The following AUTS2 variants were observed in gnomAD, a reference collection of about 807,000 sequenced individuals.
AUTS2 encodes the protein autism susceptibility gene 2 protein.
Under a neutral mutation model 112.4 loss-of-function variants are expected in AUTS2, and 17 were observed. The observed-to-expected ratio is 0.15, with a 90% confidence interval of 0.10 to 0.23. The LOEUF is 0.23. AUTS2 is among the 10% of genes least tolerant of loss of function. The pLI is 1.00. For missense variants in AUTS2, 1,510 were observed against 1,701.6 expected (o/e 0.89, Z 1.98); for synonymous variants, 751 against 702.7 (o/e 1.07, Z -1.09).
chr7:70,717,326 C>G (rs910835515), intron 6 of AUTS2, among the ~76,000 whole-genome samples: 3 of 152,016 alleles, frequency 2.0e-5, no homozygotes, highest in African/African-American at 7.3e-5. Flanking sequence ...AACTACAGGC[C>G]TGTACCACCA....
At chr7:69,810,891 C>T (rs2129524855) in intron 1 of AUTS2, among the ~76,000 whole-genome samples, 1 of 152,212 alleles carries the variant, frequency 6.6e-6, no homozygotes, top group Non-Finnish European at 1.5e-5. Context: ...ATATTATACC[C>T]CTAATTCTAC....
intron 1 of AUTS2, among the ~76,000 whole-genome samples, chr7:69,630,768 T>C (rs1276526715): frequency 6.6e-6 from 1 of 152,200 alleles, no homozygotes; most frequent in Admixed American, 6.5e-5. Flanking sequence ...AATTAAAGAT[T>C]CCTGGTTACC....
intron 3 of AUTS2, among the ~76,000 whole-genome samples, chr7:70,128,504 A>T (rs1386875897): frequency 6.6e-6 from 1 of 152,200 alleles, no homozygotes; most frequent in Non-Finnish European, 1.5e-5. Context: ...CTAAGTAAAG[A>T]AAAGAAGGTA....
rs1190926536 is a variant in AUTS2 at position 70,631,687 on chromosome 7, C to T, written c.691-66882C>T. Among the ~76,000 whole-genome samples the T allele has an allele frequency of 6.6e-6, 1 of 152,132 alleles. No individual in the cohort carries two copies. The highest frequency in any genetic ancestry group is 1.5e-5 in the Non-Finnish European group (1 of 68,036). On this transcript the variant is annotated intron_variant, in intron 5 of 18. Transcript: ENST00000342771. The surrounding 1 kb of genome is among the most constrained non-coding windows in gnomAD (Gnocchi z 4.5). Reference sequence around the variant, plus strand: ...GGGTGTGCAGAGAATACAGTCAGCACCATTTATAGCCCCATGTCCCCAACC... The same window carrying T: ...GGGTGTGCAGAGAATACAGTCAGCATCATTTATAGCCCCATGTCCCCAACC...
At chr7:69,611,224 C>G (rs1303772799) in intron 1 of AUTS2, among the ~76,000 whole-genome samples, 1 of 152,184 alleles carries the variant, frequency 6.6e-6, no homozygotes, top group Non-Finnish European at 1.5e-5. Context: ...TGCTCTCTGA[C>G]TCCCTTAGCA....
chr7:70,283,283 A>G (rs1023901440), intron 4 of AUTS2, among the ~76,000 whole-genome samples: 1 of 152,180 alleles, frequency 6.6e-6, no homozygotes, highest in African/African-American at 2.4e-5. Context: ...ATAGCATTTA[A>G]TACCTGATTT....
intron 2 of AUTS2, among the ~76,000 whole-genome samples, chr7:69,986,830 G>C (rs1198396252): frequency 1.3e-5 from 2 of 152,188 alleles, no homozygotes; most frequent in Non-Finnish European, 2.9e-5. Flanking sequence ...TTCAAAGTGA[G>C]AAACAAATTA....
intron 2 of AUTS2, among the ~76,000 whole-genome samples, chr7:69,916,879 C>T (rs1795600758): frequency 6.6e-6 from 1 of 152,204 alleles, no homozygotes; most frequent in African/African-American, 2.4e-5. Context: ...TTAAATTCTG[C>T]TCCTCAAATT....
chr7:70,755,124 A>G (rs1789112653), intron 6 of AUTS2, among the ~76,000 whole-genome samples: 1 of 152,194 alleles, frequency 6.6e-6, no homozygotes, highest in African/African-American at 2.4e-5. Context: ...GGAAGGTTTA[A>G]TATGCACCAT....
At position 70,224,651 on chromosome 7, in the gene AUTS2, A is replaced by G. The variant is rs1008830092; in HGVS notation, c.660+90080A>G. Among the ~76,000 whole-genome samples the G allele has an allele frequency of 7.4e-4, 112 of 152,324 alleles. 2 individuals carry two copies. The highest frequency in any genetic ancestry group is 2.4e-3 in the African/African-American group (100 of 41,572). On this transcript the variant is annotated intron_variant, in intron 4 of 18. Coordinates refer to ENST00000342771, the MANE Select transcript of AUTS2 (RefSeq NM_015570.4). ...TTTATAACATCTACAGTAGTATACAATAATGTCCTAGGCCTTCACATTCAT... is the reference window on the plus strand; with the variant it reads ...TTTATAACATCTACAGTAGTATACAGTAATGTCCTAGGCCTTCACATTCAT...
intron 1 of AUTS2, among the ~76,000 whole-genome samples, chr7:69,729,011 A>AT (rs1449426635): frequency 6.6e-6 from 1 of 152,120 alleles, no homozygotes; most frequent in Non-Finnish European, 1.5e-5. Context: ...AGTATCTATG[A>AT]TACATTTATA....
chr7:69,783,775 T>C (rs1431223467), intron 1 of AUTS2, among the ~76,000 whole-genome samples: 1 of 152,192 alleles, frequency 6.6e-6, no homozygotes, highest in Non-Finnish European at 1.5e-5. Flanking sequence ...GTTTCTGAGG[T>C]CTGGGATTTA....
chr7:70,582,251 T>C (rs1015381291), intron 5 of AUTS2, among the ~76,000 whole-genome samples: 7 of 152,084 alleles, frequency 4.6e-5, no homozygotes, highest in Non-Finnish European at 8.8e-5. Flanking sequence ...CAGGCTGTCT[T>C]CTCAGCCCTT....
rs561308578 is a variant in AUTS2, at chr7:70,217,523, G to A, written c.660+82952G>A. On this transcript the variant is annotated intron_variant, in intron 4 of 18. Coordinates refer to ENST00000342771, the MANE Select transcript of AUTS2 (RefSeq NM_015570.4). ...CTAGTTGTGCTTTTTTAACTGCAAA[G>A]ACTAAAAAACGAAAGCCTTTATTTC... Among the ~76,000 whole-genome samples the A allele has an allele frequency of 3.9e-5, 6 of 152,262 alleles. No homozygotes were observed. The South Asian group carries it at 1.2e-3, about 32-fold the overall frequency.
intron 2 of AUTS2, among the ~76,000 whole-genome samples, chr7:70,001,071 A>T (rs889340086): frequency 6.6e-6 from 1 of 152,188 alleles, no homozygotes; most frequent in Non-Finnish European, 1.5e-5. Context: ...AGCTAGTACT[A>T]GCAGAGCCTA....
At chr7:70,496,681 C>T (rs1562994848) in intron 5 of AUTS2, among the ~76,000 whole-genome samples, 2 of 133,724 alleles carry the variant, frequency 1.5e-5, no homozygotes, top group African/African-American at 5.6e-5. Context: ...ATCACACACC[C>T]CACTCACACC....
rs1787771575 is a variant in AUTS2 at position 69,752,296 on chromosome 7, G to A, written c.310-146990G>A. Among the ~76,000 whole-genome samples, 6 of 152,230 alleles carry A rather than the reference G, an allele frequency of 3.9e-5. No homozygotes were observed. The South Asian group carries it at 1.2e-3, about 32-fold the overall frequency. The stretch of plus-strand genomic sequence containing the variant: ...ACTTGTCAGAACACAGCTTTGGCTT[G>A]CCCAGGTTCCTGTTGTGCAGATGGG... On this transcript the variant is annotated intron_variant, in intron 1 of 18. Transcript: ENST00000342771.
At chr7:70,118,318 A>G (rs904914164) in intron 3 of AUTS2, 85 bp downstream of exon 3, 1 of 1,374,736 alleles carries the variant, frequency 7.3e-7, no homozygotes, top group Non-Finnish European at 9.5e-7. Context: ...AGTCTGAATT[A>G]CATAACTTTC....
chr7:70,501,221 G>A (rs1798759947), intron 5 of AUTS2, among the ~76,000 whole-genome samples: 1 of 152,172 alleles, frequency 6.6e-6, no homozygotes, highest in Non-Finnish European at 1.5e-5. Context: ...AGTTAAATGA[G>A]TTATTTGTCT....
Sources: allele counts gnomAD v4.1 joint callset (sites outside exome capture counted in the v4.1 genomes callset), GRCh38; gene constraint gnomAD v4.1.1; non-coding constraint Gnocchi (gnomAD v3.1); transcripts MANE v1.5; gene names NCBI Gene and HGNC (gene_info 2026-07-23, HGNC 2026-07-21).